Variants in BCL9 observed in about 807,000 individuals in gnomAD.
BCL9 encodes B-cell CLL/lymphoma 9 protein.
Under a neutral mutation model 88.5 loss-of-function variants are expected in BCL9, and 25 were observed. That is an observed-to-expected ratio of 0.28 (90% CI 0.21 to 0.39). BCL9 has a LOEUF of 0.39. BCL9 is among the 10% of genes least tolerant of loss of function. The pLI is 1.00. For missense variants in BCL9, 1,817 were observed against 1,877.8 expected, an observed-to-expected ratio of 0.97 and a Z score of 0.60; for synonymous variants, 711 against 673.3, an observed-to-expected ratio of 1.06 and a Z score of -0.87.
intron 1 of BCL9, among the ~76,000 whole-genome samples, chr1:147,555,700 T>A (rs1158788050): frequency 6.6e-6 from 1 of 152,240 alleles, no homozygotes; most frequent in Non-Finnish European, 1.5e-5. Flanking sequence ...GCTTTCCCAA[T>A]CATTTTTTGT....
chr1:147,543,736 G>C (rs1553194019), intron 1 of BCL9, among the ~76,000 whole-genome samples: 1 of 152,154 alleles, frequency 6.6e-6, no homozygotes, highest in African/African-American at 2.4e-5. Context: ...GTCCAAGAGA[G>C]ATAAGCACTG....
intron 6 of BCL9, among the ~76,000 whole-genome samples, chr1:147,614,879 G>A (rs12740134): frequency 7.0e-6 from 1 of 142,608 alleles, no homozygotes. Flanking sequence ...TGTCTCTGTC[G>A]CCTAGGCTGG....
chr1:147,621,903 A>G (rs1658669242), intron 8 of BCL9, among the ~76,000 whole-genome samples: 1 of 152,180 alleles, frequency 6.6e-6, no homozygotes, highest in African/African-American at 2.4e-5. Flanking sequence ...GCATACTAAT[A>G]CCTGAGTCGA....
At chr1:147,604,538 ATCCAT>A (rs1657559720) in intron 1 of BCL9, among the ~76,000 whole-genome samples, 1 of 152,208 alleles carries the variant, frequency 6.6e-6, no homozygotes, top group Non-Finnish European at 1.5e-5. Flanking sequence ...ACTCCCAGTC[ATCCAT>A]TAGCGTGGTT....
At chr1:147,547,927 G>A (rs1429556824) in intron 1 of BCL9, among the ~76,000 whole-genome samples, 1 of 152,184 alleles carries the variant, frequency 6.6e-6, no homozygotes, top group Non-Finnish European at 1.5e-5. Flanking sequence ...GATCTAAGTA[G>A]TTATCAAAAG....
intron 1 of BCL9, among the ~76,000 whole-genome samples, chr1:147,545,959 A>T (rs1402891993): frequency 6.6e-6 from 1 of 152,322 alleles, no homozygotes; most frequent in Middle Eastern, 3.4e-3. Context: ...TTGTTAGGCC[A>T]TCTCTGCAAG....
chr1:147,612,480 A>G (rs1438104884), intron 4 of BCL9, among the ~76,000 whole-genome samples: 1 of 152,130 alleles, frequency 6.6e-6, no homozygotes, highest in Non-Finnish European at 1.5e-5. Context: ...CAGGGAAGTG[A>G]GGCTCTCCTA....
chr1:147,614,646 G>A (rs1553203517), intron 6 of BCL9, 30 bp downstream of exon 6: 8 of 1,572,728 alleles, frequency 5.1e-6, no homozygotes, highest in Non-Finnish European at 6.1e-6. Flanking sequence ...TTGCTGTTGG[G>A]CAGGGCTTGT....
intron 1 of BCL9, among the ~76,000 whole-genome samples, chr1:147,576,355 T>C (rs1656112412): frequency 6.6e-6 from 1 of 152,196 alleles, no homozygotes; most frequent in African/African-American, 2.4e-5. Context: ...GAATATTCTA[T>C]GCATACGCAA....
chr1:147,604,724 T>C (rs185435244), intron 1 of BCL9, 53 bp from the exon 2 acceptor site: 40 of 152,376 alleles, frequency 2.6e-4, no homozygotes, highest in Admixed American at 2.4e-3. Flanking sequence ...GTGGTTTTCC[T>C]TGGAATCAGC....
intron 1 of BCL9, among the ~76,000 whole-genome samples, chr1:147,567,339 T>A (rs587775467): frequency 9.8e-5 from 15 of 152,318 alleles, no homozygotes; most frequent in Admixed American, 5.2e-4. Flanking sequence ...TAATGGAGAT[T>A]ATTGATACTA....
intron 1 of BCL9, among the ~76,000 whole-genome samples, chr1:147,568,427 T>G (rs1655710781): frequency 6.6e-6 from 1 of 151,988 alleles, no homozygotes; most frequent in Non-Finnish European, 1.5e-5. Context: ...TATCATTAAA[T>G]TTCATAGTTG....
At chr1:147,550,801 T>G (rs1050502209) in intron 1 of BCL9, among the ~76,000 whole-genome samples, 1 of 152,234 alleles carries the variant, frequency 6.6e-6, no homozygotes, top group Admixed American at 6.5e-5. Context: ...TTATTTATTC[T>G]CTCGGAAACT....
At chr1:147,557,235 A>G (rs587758726) in intron 1 of BCL9, among the ~76,000 whole-genome samples, 1 of 152,352 alleles carries the variant, frequency 6.6e-6, no homozygotes, top group African/African-American at 2.4e-5. Context: ...AACTTGCTTG[A>G]TAACATTTTA....
intron 1 of BCL9, among the ~76,000 whole-genome samples, chr1:147,545,707 GA>G (rs1319425792): frequency 6.6e-6 from 1 of 152,142 alleles, no homozygotes; most frequent in East Asian, 1.9e-4. Flanking sequence ...TACTGAAGGG[GA>G]TTTTGTAGTT....
At position 147,608,330 on chromosome 1, in the gene BCL9, C is replaced by CT. The variant is rs35324998; in HGVS notation, c.-260+1484dup. Among the ~76,000 whole-genome samples the CT allele has an allele frequency of 6.7e-3, 673 of 101,026 alleles. 40 individuals are homozygous for CT. The highest frequency in any genetic ancestry group is 0.025 in the African/African-American group (634 of 25,476). The allele number at this position is 101,026 out of a possible 152,430, so 66.3% of individuals were successfully genotyped here. The stretch of plus-strand genomic sequence containing the variant: ...AATGCTAGACCTGGGTTTTGTTTTG[C>CT]TTTTTTTTTTTTTTTTTTTTAGCAC... On this transcript the variant is annotated intron_variant, in intron 3 of 9. Transcript: ENST00000234739.
In BCL9 at chr1:147,624,463, A is replaced by G; in HGVS notation, c.3785A>G (p.Gln1262Arg). Residue 1262 changes from glutamine (Q) to arginine (R), a missense_variant, in exon 10 of 10, where the codon CAG (glutamine) becomes CGG (arginine). Physicochemically the swap from Gln to Arg is conservative, Grantham distance 43. Around this residue, in one of 2 missense-constraint regions of BCL9, gnomAD observed 589 missense variants for 686.2 expected, o/e 0.86. Coordinates refer to ENST00000234739, the MANE Select transcript of BCL9 (RefSeq NM_004326.4). This position sits in a 1 kb window ranked among gnomAD's most constrained non-coding sequence, Gnocchi z 4.4. ...CGAGGGGAAGTTCCAGGCCGTAAAC[A>G]GCCCCAGGGTCCTGGACCTGGGTTT... is the stretch of plus-strand genomic sequence containing the variant. The part of the protein sequence containing the change: ...FPRGEVPGRK[Q>R]PQGPGPGFSH... 6.2e-7 allele frequency: 1 copy of G among 1,614,218 alleles called. No individual in the cohort carries two copies. The highest frequency in any genetic ancestry group is 2.2e-5 in the East Asian group (1 of 44,870).
intron 1 of BCL9, among the ~76,000 whole-genome samples, chr1:147,551,495 G>A (rs916182573): frequency 4.6e-5 from 7 of 152,144 alleles, no homozygotes; most frequent in African/African-American, 1.2e-4. Flanking sequence ...GTACTGTTAC[G>A]GTTCAGCTGT....
chr1:147,588,296 C>T (rs1392250033), intron 1 of BCL9, among the ~76,000 whole-genome samples: 3 of 152,202 alleles, frequency 2.0e-5, no homozygotes, highest in Admixed American at 1.3e-4. Context: ...CTTGGCTGAA[C>T]CCTCAATATG....
Sources: gnomAD v4.1 joint callset for allele counts (sites outside exome capture counted in the v4.1 genomes callset) on GRCh38, gnomAD v4.1.1 for gene constraint, gnomAD v4.1.1 regional missense constraint, Gnocchi (gnomAD v3.1) non-coding constraint, MANE v1.5 for transcripts, NCBI Gene and HGNC (gene_info 2026-07-23, HGNC 2026-07-21) for gene names.